The following PRMT8 variants were observed in gnomAD, a reference collection of about 807,000 sequenced individuals.
The protein encoded by PRMT8 is protein arginine N-methyltransferase 8.
PRMT8 carries 7 observed loss-of-function variants against 47.1 expected under a neutral mutation model. The observed-to-expected ratio is 0.15, with a 90% CI of 0.08 to 0.28. The LOEUF is 0.28. Among genes scored for constraint, PRMT8 ranks in the 10% least tolerant of loss-of-function variants. The pLI, the probability that PRMT8 is intolerant of heterozygous loss-of-function variation, is 1.00. For missense variants in PRMT8, 237 were observed against 505.4 expected (o/e 0.47, Z 5.09); for synonymous variants, 188 against 186.5 (o/e 1.01, Z -0.07).
chr12:3,422,963 G>T (rs984091810), intron 1 of PRMT8, among the ~76,000 whole-genome samples: 1 of 152,196 alleles, frequency 6.6e-6, no homozygotes, highest in African/African-American at 2.4e-5. Flanking sequence ...AAGCATTTTG[G>T]TGAACTAAGG....
intron 1 of PRMT8, among the ~76,000 whole-genome samples, chr12:3,485,024 GGTGC>G (rs1229589278): frequency 6.6e-6 from 1 of 152,116 alleles, no homozygotes; most frequent in Non-Finnish European, 1.5e-5. Flanking sequence ...GGAAAGAGAG[GGTGC>G]ACCTCAGGCC....
chr12:3,435,984 C>G (rs1375064662), intron 1 of PRMT8, among the ~76,000 whole-genome samples: 1 of 152,132 alleles, frequency 6.6e-6, no homozygotes, highest in African/African-American at 2.4e-5. Context: ...GGCTTGATGT[C>G]CAATTTATTC....
intron 8 of PRMT8, among the ~76,000 whole-genome samples, chr12:3,589,627 A>G (rs1867257123): frequency 6.6e-6 from 1 of 152,230 alleles, no homozygotes; most frequent in African/African-American, 2.4e-5. Flanking sequence ...ATGGAGAATC[A>G]GGATTGGGAA....
chr12:3,592,240 C>T lies in PRMT8; in HGVS notation c.989C>T (p.Ala330Val). Residue 330 changes from alanine (A) to valine (V), a missense_variant, in exon 9 of 10, where the codon GCT becomes GTT. Ala to Val is a moderately conservative substitution (Grantham distance 64). Around this residue, in one of 5 missense-constraint regions of PRMT8, gnomAD observed 151 missense variants for 341.1 expected, o/e 0.44. Coordinates refer to ENST00000382622, the MANE Select transcript of PRMT8 (RefSeq NM_019854.5). ...KKMGFSTAPDAPYTHWKQTVF... is the reference protein window; with the variant it reads ...KKMGFSTAPDVPYTHWKQTVF... ...TTCTCTCACCCCTCAGCCCCTGATGCTCCCTACACCCACTGGAAGCAGACC... is the reference window on the plus strand; with the variant it reads ...TTCTCTCACCCCTCAGCCCCTGATGTTCCCTACACCCACTGGAAGCAGACC... The T allele has an allele frequency of 6.4e-7, 1 of 1,570,268 alleles. No homozygotes were observed. Among genetic ancestry groups the T allele is most frequent in the Non-Finnish European group, 8.6e-7 (1 of 1,163,620 alleles).
At chr12:3,437,634 A>ATATG (rs1864758792) in intron 1 of PRMT8, among the ~76,000 whole-genome samples, 1 of 150,052 alleles carries the variant, frequency 6.7e-6, no homozygotes, top group Admixed American at 6.6e-5. Context: ...ATATATATAT[A>ATATG]TATATATATA....
chr12:3,568,885 T>C, intron 5 of PRMT8, 37 bp downstream of exon 5: 1 of 1,611,958 alleles, frequency 6.2e-7, no homozygotes, highest in Non-Finnish European at 8.5e-7. Context: ...GTTGGCCGGC[T>C]GGCTGTCCTG....
rs758375662 is a variant in PRMT8, at chr12:3,453,682, G to C, written c.48+72240G>C. On this transcript the variant is annotated intron_variant, in intron 1 of 9. Transcript: ENST00000452611. The surrounding 1 kb of genome is among the most constrained non-coding windows in gnomAD (Gnocchi z 4.9). Reference sequence around the variant, plus strand: ...CTTCACAGCCAGGGCAAATGCTGGGGCGCAGCCATGCTGGCTGTCTCCTCG... The same window carrying C: ...CTTCACAGCCAGGGCAAATGCTGGGCCGCAGCCATGCTGGCTGTCTCCTCG... Among the ~76,000 whole-genome samples, 1 of 152,158 alleles carries C rather than the reference G, an allele frequency of 6.6e-6. No homozygotes were observed. The highest frequency in any genetic ancestry group is 1.5e-5 in the Non-Finnish European group (1 of 68,032).
intron 1 of PRMT8, among the ~76,000 whole-genome samples, chr12:3,536,814 A>G (rs1866126124): frequency 6.6e-6 from 1 of 152,148 alleles, no homozygotes; most frequent in Non-Finnish European, 1.5e-5. Flanking sequence ...ATCTGTCATG[A>G]TCATATTTTT....
chr12:3,491,791 CT>C, intron 1 of PRMT8, 91 bp downstream of exon 1: 1 of 1,451,018 alleles, frequency 6.9e-7, no homozygotes. Context: ...GAGTGCCAAA[CT>C]TTCCCCAGTT....
intron 1 of PRMT8, among the ~76,000 whole-genome samples, chr12:3,534,933 C>T (rs1866092008): frequency 6.6e-6 from 1 of 152,208 alleles, no homozygotes; most frequent in African/African-American, 2.4e-5. Context: ...GCTTTAGTTT[C>T]CTCATCTGTA....
chr12:3,581,074 G>A (rs1867052524), intron 7 of PRMT8, among the ~76,000 whole-genome samples: 1 of 152,226 alleles, frequency 6.6e-6, no homozygotes, highest in Admixed American at 6.5e-5. Context: ...CGACCTAAAT[G>A]CAAGCTGAAC....
intron 1 of PRMT8, among the ~76,000 whole-genome samples, chr12:3,457,992 G>T (rs952282406): frequency 6.6e-6 from 1 of 152,026 alleles, no homozygotes; most frequent in Non-Finnish European, 1.5e-5. Flanking sequence ...ATAGGCATGT[G>T]CCATCATGCC....
intron 1 of PRMT8, among the ~76,000 whole-genome samples, chr12:3,455,964 C>A (rs1184075893): frequency 4.6e-5 from 7 of 152,208 alleles, no homozygotes; most frequent in Non-Finnish European, 1.0e-4. Context: ...ATATCTATCT[C>A]TGTCTCTTTG....
In PRMT8 at chr12:3,491,661, G is replaced by A. The variant is rs1865402968; in HGVS notation, c.36G>A (p.Leu12=). 1 of 1,612,432 alleles carries A rather than the reference G, an allele frequency of 6.2e-7. No homozygotes were observed. The highest frequency in any genetic ancestry group is 1.7e-5 in the Admixed American group (1 of 59,948). ...AACACTCCTCCCGCTGCCTGCTCCT[G>A]AGGAGGAAAATGGCGGAGAACGCGG... ...GMKHSSRCLL[L]RRKMAENAAE... is the part of the protein sequence containing the mutation. The change falls in exon 1 of 10, where the codon CTG becomes CTA. Residue 12 remains leucine, a synonymous_variant. Coordinates refer to ENST00000382622, the MANE Select transcript of PRMT8 (RefSeq NM_019854.5).
chr12:3,543,965 A>G (rs939148270), intron 2 of PRMT8, among the ~76,000 whole-genome samples: 2 of 152,142 alleles, frequency 1.3e-5, no homozygotes, highest in African/African-American at 4.8e-5. Context: ...ATCTTTGCCA[A>G]TGCGGCTGTC....
At chr12:3,590,182 C>A (rs978240967) in intron 8 of PRMT8, among the ~76,000 whole-genome samples, 1 of 152,198 alleles carries the variant, frequency 6.6e-6, no homozygotes, top group African/African-American at 2.4e-5. Flanking sequence ...GTGCAGGCTG[C>A]ACTTTCTCCC....
chr12:3,430,501 G>A (rs1864663687), intron 1 of PRMT8, among the ~76,000 whole-genome samples: 1 of 152,120 alleles, frequency 6.6e-6, no homozygotes. Context: ...TGATTTCAGA[G>A]TATTCTTATG....
At chr12:3,510,256 G>C (rs1286777628) in intron 1 of PRMT8, among the ~76,000 whole-genome samples, 1 of 152,020 alleles carries the variant, frequency 6.6e-6, no homozygotes, top group Non-Finnish European at 1.5e-5. Context: ...CTCCCAGCGT[G>C]GTCCAGGTCC....
At chr12:3,571,708 C>T (rs1866850135) in intron 6 of PRMT8, among the ~76,000 whole-genome samples, 1 of 152,094 alleles carries the variant, frequency 6.6e-6, no homozygotes, top group South Asian at 2.1e-4. Flanking sequence ...CTCCCCACCC[C>T]AAAAGAACAC....
Sources: allele counts gnomAD v4.1 joint callset (sites outside exome capture counted in the v4.1 genomes callset), GRCh38; gene constraint gnomAD v4.1.1; regional missense constraint gnomAD v4.1.1; non-coding constraint Gnocchi (gnomAD v3.1); transcripts MANE v1.5; gene names NCBI Gene and HGNC (gene_info 2026-07-23, HGNC 2026-07-21).